POLA1: variants seen among roughly 807,000 people sequenced by gnomAD.
POLA1 encodes DNA polymerase alpha 1, catalytic subunit, also known as DNA polymerase alpha catalytic subunit.
In POLA1, 15 loss-of-function variants were observed where a neutral mutation model predicts 124.0. The ratio of observed to expected loss-of-function variants is 0.12; its 90% CI spans 0.08 to 0.19. POLA1 has a LOEUF of 0.19. Among genes scored for constraint, POLA1 ranks in the 10% least tolerant of loss-of-function variants. The pLI is 1.00. For synonymous variants in POLA1, 408 were observed against 389.4 expected, an observed-to-expected ratio of 1.05 and a Z score of -0.56; for missense variants, 886 against 1,103.4, an observed-to-expected ratio of 0.80 and a Z score of 2.79.
chrX:24,992,125 G>A (rs1466605688), intron 36 of POLA1, among the ~76,000 whole-genome samples: 1 of 112,195 alleles, frequency 8.9e-6, no homozygotes, highest in African/African-American at 3.2e-5. Flanking sequence ...ATAGCCGGAA[G>A]CTCAGTTATA....
At chrX:24,838,502 G>A (rs1207884465) in intron 32 of POLA1, among the ~76,000 whole-genome samples, 2 of 112,296 alleles carry the variant, frequency 1.8e-5, no homozygotes, top group African/African-American at 6.5e-5. Flanking sequence ...CCTGTCAAGA[G>A]CTAGCCTAAA....
Position 24,968,085 on chromosome X carries a change from A to C in POLA1, c.4262-27720A>C, listed in dbSNP as rs537443459. Reference sequence around the variant, plus strand: ...GTAATCTCATCTTGTACAAAAATCTAACTATTCAGAAAGTACCAACTAGAA... The same window carrying C: ...GTAATCTCATCTTGTACAAAAATCTCACTATTCAGAAAGTACCAACTAGAA... On this transcript the variant is annotated intron_variant, in intron 36 of 36. Transcript: ENST00000379068. Among the ~76,000 whole-genome samples, 4 of 112,209 alleles carry C rather than the reference A, an allele frequency of 3.6e-5. No homozygotes were observed. The East Asian group carries it at 8.4e-4, about 24-fold the overall frequency.
At chrX:24,736,082 C>T (rs1196967590) in intron 18 of POLA1, among the ~76,000 whole-genome samples, 1 of 110,797 alleles carries the variant, frequency 9.0e-6, no homozygotes, top group Non-Finnish European at 1.9e-5. Flanking sequence ...ATATGGAATT[C>T]CTTCATTTGT....
chrX:24,700,644 G>T (rs759730824), intron 2 of POLA1, among the ~76,000 whole-genome samples: 1 of 111,667 alleles, frequency 9.0e-6, no homozygotes, highest in Non-Finnish European at 1.9e-5. Context: ...GAGTAGCTGG[G>T]ATTACAGGCG....
In POLA1 at chrX:24,832,868, C is replaced by T. The variant is rs770199788; in HGVS notation, c.3736+6267C>T. Among the ~76,000 whole-genome samples the T allele has an allele frequency of 8.9e-5, 10 of 111,882 alleles. No individual in the cohort carries two copies. The South Asian group carries it at 3.7e-3, about 42-fold the overall frequency. On this transcript the variant is annotated intron_variant, in intron 32 of 36. Coordinates refer to ENST00000379068, the MANE Select transcript of POLA1 (RefSeq NM_001330360.2). Reference sequence around the variant, plus strand: ...ATTAATAAGACAGTTTTTTCCAAAACCAGAAGTAAAACAATGGTTAAGCAA... The same window carrying T: ...ATTAATAAGACAGTTTTTTCCAAAATCAGAAGTAAAACAATGGTTAAGCAA...
At chrX:24,770,635 T>G in intron 26 of POLA1, among the ~76,000 whole-genome samples, 1 of 111,579 alleles carries the variant, frequency 9.0e-6, no homozygotes, top group Non-Finnish European at 1.9e-5. Flanking sequence ...CCAGTAAACT[T>G]TTTGTTTTCT....
At chrX:24,754,518 T>C (rs1932498550) in intron 26 of POLA1, among the ~76,000 whole-genome samples, 1 of 111,642 alleles carries the variant, frequency 9.0e-6, no homozygotes, top group Non-Finnish European at 1.9e-5. Flanking sequence ...CCTCCCAAAG[T>C]GCTGGGACTA....
Position 24,936,230 on chromosome X carries a change from A to C in POLA1, c.4261+5681A>C, listed in dbSNP as rs937703768. On this transcript the variant is annotated intron_variant, in intron 36 of 36. Coordinates refer to ENST00000379068, the MANE Select transcript of POLA1 (RefSeq NM_001330360.2). Reference sequence around the variant, plus strand: ...TTTTAAGCCAGAAAATAAGAGTTTTATAGAAGAAATTATATGCTTTAGTGT... The same window carrying C: ...TTTTAAGCCAGAAAATAAGAGTTTTCTAGAAGAAATTATATGCTTTAGTGT... 3.6e-5 allele frequency among the ~76,000 whole-genome samples: 4 copies of C among 112,466 alleles called. No individual in the cohort carries two copies. The Admixed American group carries it at 3.8e-4, about 11-fold the overall frequency.
intron 35 of POLA1, among the ~76,000 whole-genome samples, chrX:24,900,192 C>T (rs758037149): frequency 2.2e-4 from 25 of 112,050 alleles, no homozygotes; most frequent in Admixed American, 1.7e-3. Context: ...AAGTACTCAT[C>T]GGTGACCAAT....
At chrX:24,702,191 C>T (rs1928495356) in intron 2 of POLA1, among the ~76,000 whole-genome samples, 1 of 110,268 alleles carries the variant, frequency 9.1e-6, no homozygotes, top group Non-Finnish European at 1.9e-5. Context: ...GCCTCAGCCT[C>T]CTGAGTAGCT....
intron 26 of POLA1, among the ~76,000 whole-genome samples, chrX:24,797,251 C>A: frequency 9.0e-6 from 1 of 110,955 alleles, no homozygotes; most frequent in Non-Finnish European, 1.9e-5. Flanking sequence ...ACATTCTAGC[C>A]TCAACCATAC....
At chrX:24,926,980 C>T (rs754241505) in intron 35 of POLA1, among the ~76,000 whole-genome samples, 5 of 107,895 alleles carry the variant, frequency 4.6e-5, no homozygotes, top group Admixed American at 3.0e-4. Context: ...TACAGCCATG[C>T]GCCACCACAC....
intron 16 of POLA1, 145 bp downstream of exon 16, chrX:24,732,599 GTTTT>G: frequency 9.5e-6 from 2 of 210,905 alleles, no homozygotes; most frequent in Non-Finnish European, 1.6e-5. Context: ...GTTTTTTTTT[GTTTT>G]TTTTTTTTTT....
intron 1 of POLA1, among the ~76,000 whole-genome samples, 182 bp downstream of exon 1, chrX:24,694,186 A>G (rs185107385): frequency 1.2e-4 from 14 of 112,895 alleles, no homozygotes; most frequent in African/African-American, 4.2e-4. Flanking sequence ...TTGGAGGACC[A>G]GAGCCTGGAG....
At chrX:24,805,182 C>T (rs940773608) in intron 26 of POLA1, among the ~76,000 whole-genome samples, 2 of 110,626 alleles carry the variant, frequency 1.8e-5, no homozygotes, top group African/African-American at 6.6e-5. Context: ...CACTGTTCTG[C>T]AAAGCCTGCA....
At chrX:24,763,524 G>A (rs1229221743) in intron 26 of POLA1, among the ~76,000 whole-genome samples, 1 of 111,441 alleles carries the variant, frequency 9.0e-6, no homozygotes, top group African/African-American at 3.3e-5. Flanking sequence ...ACATGGATGA[G>A]ATTACTTTGG....
chrX:24,793,869 G>A (rs1399823896), intron 26 of POLA1, among the ~76,000 whole-genome samples: 1 of 110,530 alleles, frequency 9.0e-6, no homozygotes, highest in Non-Finnish European at 1.9e-5. Context: ...ACAGGTGTGA[G>A]CCACCGTGCC....
chrX:24,714,153 A>AGTTTT (rs770145497), intron 4 of POLA1, among the ~76,000 whole-genome samples: 11 of 111,686 alleles, frequency 9.8e-5, no homozygotes, highest in African/African-American at 2.9e-4. Context: ...AGAATCTCAT[A>AGTTTT]GTTTTGTTTT....
chrX:24,734,951 G>T (rs539321432), intron 17 of POLA1, among the ~76,000 whole-genome samples: 9 of 111,746 alleles, frequency 8.1e-5, no homozygotes, highest in African/African-American at 2.6e-4. Flanking sequence ...TTTTAGTCTA[G>T]TTTCTTATTT....
Sources: gnomAD v4.1 joint callset for allele counts (sites outside exome capture counted in the v4.1 genomes callset) on GRCh38, gnomAD v4.1.1 for gene constraint, MANE v1.5 for transcripts, NCBI Gene and HGNC (gene_info 2026-07-23, HGNC 2026-07-21) for gene names.